The following ZC3H8 variants were observed in gnomAD, a reference collection of about 807,000 sequenced individuals.
ZC3H8 encodes the protein zinc finger CCCH domain-containing protein 8.
ZC3H8 carries 27 observed loss-of-function variants against 42.5 expected under a neutral mutation model. The ratio of observed to expected loss-of-function variants is 0.64; its 90% CI spans 0.47 to 0.88. ZC3H8 has a LOEUF of 0.88. Ranked by LOEUF, ZC3H8 falls within the 40% of genes least tolerant of loss-of-function variation. ZC3H8 has a pLI of 0.00. For synonymous variants in ZC3H8, 101 were observed against 110.1 expected (o/e 0.92, Z 0.52); for missense variants, 277 against 336.1 (o/e 0.82, Z 1.37).
chr2:112,225,242 A>T (rs997469557), intron 8 of ZC3H8, among the ~76,000 whole-genome samples: 7 of 146,404 alleles, frequency 4.8e-5, no homozygotes, highest in African/African-American at 1.8e-4. Flanking sequence ...GTTAATTGTT[A>T]AAAAAAAAAC....
In ZC3H8 at chr2:112,238,465, C is replaced by T. The variant is rs749905524; in HGVS notation, c.220G>A (p.Asp74Asn). Residue 74 changes from aspartate (D) to asparagine (N), a missense_variant, in exon 3 of 9, where the codon GAT becomes AAT. Transcript: ENST00000409573. ...CAGATATCATTATCACTATATACAT[C>T]ATAGTCCTTACTTCTTGATTTTCTA... ...LHRKSRSKDY[D>N]VYSDNDICSQ... 5.0e-6 allele frequency: 8 copies of T among 1,613,120 alleles called. No homozygotes were observed. The East Asian group carries it at 1.6e-4, about 31-fold the overall frequency.
At position 112,247,800 on chromosome 2, in the gene ZC3H8, A is replaced by T. The variant is rs142291989; in HGVS notation, c.156+2391T>A. Among the ~76,000 whole-genome samples, 780 of 152,254 alleles carry T rather than the reference A, an allele frequency of 5.1e-3. 10 individuals are homozygous for T. Among genetic ancestry groups the T allele is most frequent in the Middle Eastern group, 0.014 (4 of 294 alleles). The stretch of plus-strand genomic sequence containing the variant: ...TGGAAGGTTATAATATATAATACGA[A>T]GTCTGGAGGAGCTAAAAGTGGGCAT... On this transcript the variant is annotated intron_variant, in intron 2 of 8. Coordinates refer to ENST00000409573, the MANE Select transcript of ZC3H8 (RefSeq NM_032494.3).
chr2:112,253,737 T>C (rs189415382), intron 1 of ZC3H8, among the ~76,000 whole-genome samples: 1 of 152,360 alleles, frequency 6.6e-6, no homozygotes, highest in Admixed American at 6.5e-5. Context: ...TGATAGCTGC[T>C]GTTCGGATTT....
At chr2:112,237,579 AT>A (rs34626507) in intron 3 of ZC3H8, among the ~76,000 whole-genome samples, 68,038 of 145,524 alleles carry the variant, frequency 0.47, 15,893 homozygotes, top group Middle Eastern at 0.61. Flanking sequence ...TAAAATTTTA[AT>A]TTTTTTTTTT....
At chr2:112,239,295 A>G (rs1005269255) in intron 2 of ZC3H8, among the ~76,000 whole-genome samples, 1 of 152,242 alleles carries the variant, frequency 6.6e-6, no homozygotes, top group Non-Finnish European at 1.5e-5. Flanking sequence ...ACACAGGTAT[A>G]TTAAACTGTA....
chr2:112,229,949 A>C (rs1558922707), intron 8 of ZC3H8, among the ~76,000 whole-genome samples: 1 of 151,904 alleles, frequency 6.6e-6, no homozygotes, highest in Non-Finnish European at 1.5e-5. Context: ...CCGCAAAAAA[A>C]AAAAACAAAA....
intron 8 of ZC3H8, among the ~76,000 whole-genome samples, chr2:112,219,718 A>T (rs977391605): frequency 1.1e-4 from 17 of 151,886 alleles, no homozygotes; most frequent in Admixed American, 1.3e-4. Flanking sequence ...AGTATGTGTT[A>T]TGTGCAGATG....
chr2:112,212,965 C>CTTTTTTTTTTTTT lies in ZC3H8; in HGVS notation c.*3506_*3518dup, dbSNP rs35500593. 19 of 84,894 alleles carry CTTTTTTTTTTTTT rather than the reference C, an allele frequency of 2.2e-4. No individual in the cohort carries two copies. The highest frequency in any genetic ancestry group is 4.2e-4 in the African/African-American group (9 of 21,234). The allele number at this position is 84,894 out of a possible 1,614,324, so 5.3% of individuals were successfully genotyped here. ...CAGCAAGCACAACTCAGAAGAAATG[C>CTTTTTTTTTTTTT]TTTTTTTTTTTTTTTTTTTTTTTAT... On this transcript the variant is annotated 3_prime_UTR_variant, in exon 9 of 9. Transcript: ENST00000409573.
rs1406812305 is a variant in ZC3H8, at chr2:112,212,604, T to G, written c.*3880A>C. On this transcript the variant is annotated 3_prime_UTR_variant, in exon 9 of 9. Coordinates refer to ENST00000409573, the MANE Select transcript of ZC3H8 (RefSeq NM_032494.3). ...GGTGGTATGACATGAAATCTGAAGGTGAGGTATCGCTCATCTAAGACTGGT... is the reference window on the plus strand; with the variant it reads ...GGTGGTATGACATGAAATCTGAAGGGGAGGTATCGCTCATCTAAGACTGGT... 1 of 152,102 alleles carries G rather than the reference T, an allele frequency of 6.6e-6. No homozygotes were observed. The highest frequency in any genetic ancestry group is 6.5e-5 in the Admixed American group (1 of 15,276). The allele number at this position is 152,102 out of a possible 1,614,324, so 9.4% of individuals were successfully genotyped here.
chr2:112,234,496 G>T (rs1685230028), intron 4 of ZC3H8, among the ~76,000 whole-genome samples: 2 of 152,058 alleles, frequency 1.3e-5, no homozygotes, highest in South Asian at 4.1e-4. Flanking sequence ...TTGTAAAAAT[G>T]AATGAAAAAA....
At chr2:112,228,661 T>C (rs574940826) in intron 8 of ZC3H8, among the ~76,000 whole-genome samples, 2 of 152,220 alleles carry the variant, frequency 1.3e-5, no homozygotes, top group East Asian at 3.9e-4. Context: ...TAAGAGCACA[T>C]CTTGTGACTT....
intron 8 of ZC3H8, among the ~76,000 whole-genome samples, chr2:112,228,328 C>G (rs1429671393): frequency 6.6e-6 from 1 of 152,052 alleles, no homozygotes; most frequent in East Asian, 1.9e-4. Flanking sequence ...ATAGTGAAAG[C>G]CTGTCTCTAC....
intron 4 of ZC3H8, 23 bp downstream of exon 4, chr2:112,236,539 C>T (rs369157713): frequency 2.8e-5 from 45 of 1,609,154 alleles, no homozygotes; most frequent in African/African-American, 2.5e-4. Flanking sequence ...GTCAGGTATT[C>T]CTAGAAGCAT....
chr2:112,233,702 C>T (rs1187996413), intron 5 of ZC3H8, among the ~76,000 whole-genome samples: 2 of 152,016 alleles, frequency 1.3e-5, no homozygotes, highest in South Asian at 2.1e-4. Context: ...CTCGTCCCTA[C>T]TAACAATACA....
At chr2:112,220,429 A>G (rs1018033024) in intron 8 of ZC3H8, among the ~76,000 whole-genome samples, 13 of 152,186 alleles carry the variant, frequency 8.5e-5, no homozygotes, top group Non-Finnish European at 1.9e-4. Context: ...GCTGGATATA[A>G]AATTCTTGGT....
At chr2:112,252,539 CTT>C (rs1263321211) in intron 1 of ZC3H8, among the ~76,000 whole-genome samples, 2 of 152,336 alleles carry the variant, frequency 1.3e-5, no homozygotes, top group East Asian at 1.9e-4. Context: ...CCAATGGTCT[CTT>C]GTCTCATTCA....
chr2:112,230,784 T>C (rs951839962), intron 8 of ZC3H8, 119 bp downstream of exon 8: 1 of 593,970 alleles, frequency 1.7e-6, no homozygotes, highest in Non-Finnish European at 2.5e-6. Context: ...TTATAATTCT[T>C]TTTTAGTGGC....
intron 1 of ZC3H8, among the ~76,000 whole-genome samples, chr2:112,251,302 G>C (rs931488124): frequency 3.9e-5 from 6 of 152,224 alleles, no homozygotes; most frequent in Admixed American, 3.3e-4. Context: ...AGTTACAGGA[G>C]CTCAGGCTTC....
At chr2:112,252,614 C>A (rs1454378304) in intron 1 of ZC3H8, among the ~76,000 whole-genome samples, 1 of 152,138 alleles carries the variant, frequency 6.6e-6, no homozygotes, top group East Asian at 1.9e-4. Context: ...GCTCCCCTAA[C>A]CCTACCCCAG....
Sources: gnomAD v4.1 joint callset for allele counts (sites outside exome capture counted in the v4.1 genomes callset) on GRCh38, gnomAD v4.1.1 for gene constraint, MANE v1.5 for transcripts, NCBI Gene and HGNC (gene_info 2026-07-23, HGNC 2026-07-21) for gene names.